ZNF536: variants seen among roughly 807,000 people sequenced by gnomAD.
ZNF536 encodes the protein zinc finger protein 536.
A neutral mutation model predicts 84.5 loss-of-function variants in ZNF536; 13 were observed. That is an observed-to-expected ratio of 0.15 (90% CI 0.10 to 0.24). ZNF536 has a LOEUF of 0.24. Ranked by LOEUF, ZNF536 falls within the 10% of genes least tolerant of loss-of-function variation. ZNF536 has a pLI of 1.00. For missense variants in ZNF536, 1,536 were observed against 1,747.5 expected (o/e 0.88, Z 2.16); for synonymous variants, 811 against 742.5 (o/e 1.09, Z -1.50).
rs776624294 is a variant in ZNF536, at chr19:30,444,981, C to A, written c.1419C>A (p.Ile473=). 5.0e-6 allele frequency: 8 copies of A among 1,611,520 alleles called. No individual in the cohort carries two copies. In the Admixed American group the frequency reaches 5.0e-5, roughly 10 times the overall value. ...CGCTGGGGAAGCTGCTGTCTCCCAT[C>A]TCCAGCATGGCCCACGGCGTCCCGG... ...KEALGKLLSP[I]SSMAHGVPEG... The change falls in exon 2 of 5, where the codon ATC becomes ATA. Residue 473 remains isoleucine, a synonymous_variant. Coordinates refer to ENST00000355537, the MANE Select transcript of ZNF536 (RefSeq NM_014717.3).
At chr19:30,306,406 T>C (rs1033388278) in intron 2 of ZNF536, among the ~76,000 whole-genome samples, 2 of 152,198 alleles carry the variant, frequency 1.3e-5, no homozygotes, top group South Asian at 2.1e-4. Flanking sequence ...TGCTTATTCA[T>C]GTCAAGCTAA....
chr19:30,490,583 T>G (rs2054468839), intron 2 of ZNF536, among the ~76,000 whole-genome samples: 1 of 152,018 alleles, frequency 6.6e-6, no homozygotes, highest in Admixed American at 6.6e-5. Flanking sequence ...TAAAGAAACT[T>G]CCATGCTGGC....
At chr19:30,594,151 T>A (rs1307479607) in intron 1 of ZNF536, among the ~76,000 whole-genome samples, 3 of 152,166 alleles carry the variant, frequency 2.0e-5, no homozygotes, top group Admixed American at 6.5e-5. Flanking sequence ...TCAATAGGCG[T>A]TCAATCCTGG....
At chr19:30,457,725 C>A (rs1018143320) in intron 2 of ZNF536, among the ~76,000 whole-genome samples, 1 of 152,204 alleles carries the variant, frequency 6.6e-6, no homozygotes, top group Non-Finnish European at 1.5e-5. Flanking sequence ...CTACTGGGAC[C>A]CTGCAGCTGG....
chr19:30,301,202 C>T (rs372747843), intron 2 of ZNF536, among the ~76,000 whole-genome samples: 3 of 152,218 alleles, frequency 2.0e-5, no homozygotes, highest in East Asian at 1.9e-4. Flanking sequence ...TGGTGACGTG[C>T]GGGTTCTCAG....
At chr19:30,354,717 C>T (rs902066620) in intron 3 of ZNF536, among the ~76,000 whole-genome samples, 1 of 152,044 alleles carries the variant, frequency 6.6e-6, no homozygotes, top group Non-Finnish European at 1.5e-5. Context: ...ACTTTGTATC[C>T]AAAAATAAAT....
At chr19:30,635,767 T>C (rs1448507825) in intron 1 of ZNF536, among the ~76,000 whole-genome samples, 1 of 152,194 alleles carries the variant, frequency 6.6e-6, no homozygotes, top group Non-Finnish European at 1.5e-5. Context: ...CCATTACCAT[T>C]TCATTACGCG....
chr19:30,549,976 G>A (rs1187513635), intron 4 of ZNF536, among the ~76,000 whole-genome samples: 1 of 152,144 alleles, frequency 6.6e-6, no homozygotes, highest in African/African-American at 2.4e-5. Context: ...TTGACTTAGA[G>A]GATACTAAAA....
chr19:30,319,919 G>A (rs974158524), intron 2 of ZNF536, among the ~76,000 whole-genome samples: 3 of 152,144 alleles, frequency 2.0e-5, no homozygotes, highest in Non-Finnish European at 2.9e-5. Flanking sequence ...CCTTAGTGAT[G>A]TTTTGGGGAA....
At chr19:30,235,002 G>A (rs2023379097) in intron 1 of ZNF536, among the ~76,000 whole-genome samples, 1 of 152,210 alleles carries the variant, frequency 6.6e-6, no homozygotes, top group Non-Finnish European at 1.5e-5. Context: ...AGACATTCCT[G>A]CTTGTGGTTT....
chr19:30,288,344 T>C (rs1167957705), intron 2 of ZNF536, among the ~76,000 whole-genome samples: 1 of 152,194 alleles, frequency 6.6e-6, no homozygotes, highest in Non-Finnish European at 1.5e-5. Context: ...ACTTGGTCTC[T>C]GTGGGACTTG....
intron 2 of ZNF536, among the ~76,000 whole-genome samples, chr19:30,303,459 G>A (rs1293711485): frequency 1.3e-5 from 2 of 152,194 alleles, no homozygotes; most frequent in African/African-American, 4.8e-5. Context: ...ACAGCCTGGG[G>A]GGTTGTTTCC....
chr19:30,266,623 T>C (rs180935623), intron 1 of ZNF536, among the ~76,000 whole-genome samples: 1 of 152,186 alleles, frequency 6.6e-6, no homozygotes, highest in Non-Finnish European at 1.5e-5. Flanking sequence ...AAAATTTTTT[T>C]AAGGAGGTTG....
chr19:30,633,369 A>T (rs942340803), intron 1 of ZNF536, among the ~76,000 whole-genome samples: 6 of 152,246 alleles, frequency 3.9e-5, no homozygotes, highest in African/African-American at 1.4e-4. Flanking sequence ...GATTGAATTA[A>T]TCTGATTAAC....
chr19:30,243,920 T>C (rs1339702545), intron 1 of ZNF536, among the ~76,000 whole-genome samples: 2 of 152,258 alleles, frequency 1.3e-5, no homozygotes, highest in Admixed American at 1.3e-4. Context: ...GCAATTTGTA[T>C]TCAAGAGATA....
In ZNF536 at chr19:30,444,922, G is replaced by A. The variant is rs1568436915; in HGVS notation, c.1360G>A (p.Gly454Ser). 2 of 1,611,296 alleles carry A rather than the reference G, an allele frequency of 1.2e-6. No homozygotes were observed. The highest frequency in any genetic ancestry group is 1.7e-6 in the Non-Finnish European group (2 of 1,178,986). The change falls in exon 2 of 5, where the codon GGC (glycine) becomes AGC (serine). Residue 454 changes from glycine (G) to serine (S), a missense_variant. Physicochemically the swap from Gly to Ser is moderately conservative, Grantham distance 56. Transcript: ENST00000355537. Reference protein sequence around the residue: ...AGLSEPSQLYGKGELPMKEKE... With the variant: ...AGLSEPSQLYSKGELPMKEKE... ...CCTGAGCGAGCCCAGCCAGCTCTAT[G>A]GCAAGGGCGAGCTGCCCATGAAGGA...
chr19:30,369,469 A>G (rs995234514), upstream of ZNF536, among the ~76,000 whole-genome samples: 4 of 152,212 alleles, frequency 2.6e-5, no homozygotes, highest in African/African-American at 9.6e-5. Flanking sequence ...GATCACACTG[A>G]AGCTGTGTCA....
At chr19:30,526,739 A>G (rs1233949763) in intron 2 of ZNF536, among the ~76,000 whole-genome samples, 2 of 124,496 alleles carry the variant, frequency 1.6e-5, no homozygotes, top group Non-Finnish European at 4.0e-5. Flanking sequence ...AAAAAAAAAA[A>G]AAAAAAGAAC....
chr19:30,585,798 C>A (rs191156443), intron 1 of ZNF536, among the ~76,000 whole-genome samples: 1 of 152,272 alleles, frequency 6.6e-6, no homozygotes, highest in South Asian at 2.1e-4. Flanking sequence ...TCAAGCCTCA[C>A]GTCCCCCAAC....
Sources: allele counts gnomAD v4.1 joint callset (sites outside exome capture counted in the v4.1 genomes callset), GRCh38; gene constraint gnomAD v4.1.1; transcripts MANE v1.5; gene names NCBI Gene and HGNC (gene_info 2026-07-23, HGNC 2026-07-21).